PKNOX1: variants seen among roughly 807,000 people sequenced by gnomAD.
PKNOX1 encodes PBX/knotted 1 homeobox 1.
Under a neutral mutation model 51.9 loss-of-function variants are expected in PKNOX1, and 15 were observed. That is an observed-to-expected ratio of 0.29 (90% CI 0.19 to 0.45). The LOEUF (loss-of-function observed/expected upper bound fraction) is 0.45, where lower values mean the gene tolerates loss of function less well. Among genes scored for constraint, PKNOX1 ranks in the 20% least tolerant of loss-of-function variants. The pLI is 1.00. For missense variants in PKNOX1, 462 were observed against 547.5 expected (o/e 0.84, Z 1.56); for synonymous variants, 219 against 211.1 (o/e 1.04, Z -0.32).
chr21:42,975,880 T>TA (rs2058994469), intron 1 of PKNOX1, among the ~76,000 whole-genome samples: 1 of 152,276 alleles, frequency 6.6e-6, no homozygotes, highest in Admixed American at 6.5e-5. Context: ...TAGTTAGGTC[T>TA]ACTTTCATGA....
chr21:42,979,823 C>G (rs1308571005), intron 1 of PKNOX1, among the ~76,000 whole-genome samples: 1 of 152,208 alleles, frequency 6.6e-6, no homozygotes, highest in Non-Finnish European at 1.5e-5. Flanking sequence ...ACTACAGATG[C>G]TCCCAGTGCC....
At chr21:42,977,448 G>C (rs76241079) in intron 1 of PKNOX1, among the ~76,000 whole-genome samples, 5,786 of 151,558 alleles carry the variant, frequency 0.038, 140 homozygotes, top group Middle Eastern at 0.062. Flanking sequence ...TTTTCTGTTA[G>C]GTAGCACTTG....
At chr21:43,011,612 G>C (rs1979256660) in intron 4 of PKNOX1, among the ~76,000 whole-genome samples, 1 of 152,128 alleles carries the variant, frequency 6.6e-6, no homozygotes, top group Non-Finnish European at 1.5e-5. Flanking sequence ...CTCAGAGCTG[G>C]GTACACAAAG....
intron 2 of PKNOX1, among the ~76,000 whole-genome samples, chr21:43,005,428 A>C (rs1200650908): frequency 1.9e-5 from 1 of 51,702 alleles, no homozygotes; most frequent in African/African-American, 1.0e-4. Context: ...TGGTGGTGTT[A>C]GTGTTTTTTT....
At chr21:43,012,941 T>A in intron 4 of PKNOX1, 127 bp from the exon 5 acceptor site, 1 of 712,686 alleles carries the variant, frequency 1.4e-6, no homozygotes, top group Non-Finnish European at 2.4e-6. Flanking sequence ...ATTTCTGATG[T>A]TATTCCACTT....
intron 5 of PKNOX1, among the ~76,000 whole-genome samples, chr21:43,014,373 GTTCTT>G (rs1979397069): frequency 6.6e-6 from 1 of 152,022 alleles, no homozygotes; most frequent in African/African-American, 2.4e-5. Context: ...AGTGTTGAGA[GTTCTT>G]TGCTTATTGT....
At chr21:42,990,477 C>T (rs938882649) in intron 1 of PKNOX1, among the ~76,000 whole-genome samples, 9 of 152,054 alleles carry the variant, frequency 5.9e-5, no homozygotes, top group Non-Finnish European at 1.3e-4. Context: ...AAGGTGCTAA[C>T]CCCCAGACTA....
In PKNOX1 at chr21:43,021,659, A is replaced by G. The variant is rs1250158106; in HGVS notation, c.849+228A>G. Reference sequence around the variant, plus strand: ...GCACCCGAGCACATGTGAGGCGTACACGTGTGTCCGAGACAGCCCACCACG... The same window carrying G: ...GCACCCGAGCACATGTGAGGCGTACGCGTGTGTCCGAGACAGCCCACCACG... On this transcript the variant is annotated intron_variant, in intron 8 of 10. Coordinates refer to ENST00000291547, the MANE Select transcript of PKNOX1 (RefSeq NM_004571.5). The surrounding 1 kb of genome is among the most constrained non-coding windows in gnomAD (Gnocchi z 4.6). Among the ~76,000 whole-genome samples, 1 of 152,232 alleles carries G rather than the reference A, an allele frequency of 6.6e-6. No individual in the cohort carries two copies. Among genetic ancestry groups the G allele is most frequent in the Non-Finnish European group, 1.5e-5 (1 of 68,042 alleles).
chr21:43,019,424 CAT>C, intron 7 of PKNOX1, among the ~76,000 whole-genome samples: 1 of 136,720 alleles, frequency 7.3e-6, no homozygotes, highest in African/African-American at 2.7e-5. Flanking sequence ...AAAAAACACA[CAT>C]TTTTTTGAGA....
chr21:43,029,094 C>T (rs908009136), intron 10 of PKNOX1: 3 of 592,992 alleles, frequency 5.1e-6, no homozygotes, highest in African/African-American at 1.9e-5. Flanking sequence ...ATGTAAAACA[C>T]GTGATAGAGA....
chr21:42,986,002 G>GAA (rs376565583), intron 1 of PKNOX1, among the ~76,000 whole-genome samples: 28,007 of 110,210 alleles, frequency 0.25, 3,633 homozygotes, highest in African/African-American at 0.42. Context: ...CTCTGTCTCA[G>GAA]AAAAAAAAAA....
At chr21:43,005,788 G>A (rs1465876066) in intron 2 of PKNOX1, among the ~76,000 whole-genome samples, 2 of 151,856 alleles carry the variant, frequency 1.3e-5, no homozygotes, top group African/African-American at 4.8e-5. Context: ...TCTTTGCTCC[G>A]ACCCCACTGC....
chr21:42,987,404 A>AAAAAAATATATATATATATATAT, intron 1 of PKNOX1, among the ~76,000 whole-genome samples: 2 of 41,410 alleles, frequency 4.8e-5, no homozygotes, highest in Admixed American at 3.1e-4. Flanking sequence ...AAAAAAAAAA[A>AAAAAAATATATATATATATATAT]ATATATATAT....
At chr21:43,010,460 C>A (rs953831427) in intron 4 of PKNOX1, among the ~76,000 whole-genome samples, 10 of 152,128 alleles carry the variant, frequency 6.6e-5, no homozygotes, top group African/African-American at 2.4e-4. Flanking sequence ...TTTGTAGACA[C>A]ATCTTACTGT....
intron 1 of PKNOX1, among the ~76,000 whole-genome samples, chr21:42,987,382 CAAAAAAAAAAAA>C (rs1181890321): frequency 2.1e-5 from 1 of 47,874 alleles, no homozygotes; most frequent in African/African-American, 1.0e-4. Flanking sequence ...AACTCCCTCT[CAAAAAAAAAAAA>C]AAAAAAAAAA....
chr21:43,032,228 G>A lies in PKNOX1; in HGVS notation c.*2127G>A. 1 of 455,930 alleles carries A rather than the reference G, an allele frequency of 2.2e-6. No individual in the cohort carries two copies. The highest frequency in any genetic ancestry group is 1.5e-5 in the South Asian group (1 of 64,550). The allele number at this position is 455,930 out of a possible 1,614,324, so 28.2% of individuals were successfully genotyped here. A position where few individuals can be genotyped will look rare whatever the true frequency, so the allele number is the denominator to read the frequency against. On this transcript the variant is annotated 3_prime_UTR_variant, in exon 11 of 11. Coordinates refer to ENST00000291547, the MANE Select transcript of PKNOX1 (RefSeq NM_004571.5). Reference sequence around the variant, plus strand: ...ACTGTCTTCTCATATTTTAAGTCAAGTCTATAAGATCATTTTTAACCTAAG... The same window carrying A: ...ACTGTCTTCTCATATTTTAAGTCAAATCTATAAGATCATTTTTAACCTAAG...
chr21:42,982,476 TC>T (rs972163281), intron 1 of PKNOX1, among the ~76,000 whole-genome samples: 4 of 152,166 alleles, frequency 2.6e-5, no homozygotes, highest in African/African-American at 9.7e-5. Context: ...ACGCCTGTAA[TC>T]CCAGCACTTT....
chr21:42,986,019 T>TA (rs915893947), intron 1 of PKNOX1, among the ~76,000 whole-genome samples: 43 of 131,412 alleles, frequency 3.3e-4, no homozygotes, highest in South Asian at 1.0e-3. Flanking sequence ...AAAAAAAAAT[T>TA]AAAAAAAAAA....
intron 1 of PKNOX1, among the ~76,000 whole-genome samples, chr21:42,989,026 T>G (rs1174824066): frequency 2.6e-5 from 4 of 152,192 alleles, no homozygotes; most frequent in Admixed American, 2.6e-4. Flanking sequence ...GAGGACCCCC[T>G]CACTGGTCTT....
Sources: gnomAD v4.1 joint callset for allele counts (sites outside exome capture counted in the v4.1 genomes callset) on GRCh38, gnomAD v4.1.1 for gene constraint, Gnocchi (gnomAD v3.1) non-coding constraint, MANE v1.5 for transcripts, NCBI Gene and HGNC (gene_info 2026-07-23, HGNC 2026-07-21) for gene names.